The following FLYWCH1 variants were observed in gnomAD, a reference collection of about 807,000 sequenced individuals.
FLYWCH1 encodes the protein FLYWCH-type zinc finger-containing protein 1.
In FLYWCH1, 75 loss-of-function variants were observed where a neutral mutation model predicts 66.4. That is an observed-to-expected ratio of 1.13 (90% CI 0.94 to 1.37). The LOEUF (loss-of-function observed/expected upper bound fraction) is 1.37, where lower values mean the gene tolerates loss of function less well. Among genes scored for constraint, FLYWCH1 ranks in the 40% most tolerant of loss-of-function variants. The pLI is 0.00. For synonymous variants in FLYWCH1, 595 were observed against 429.9 expected (o/e 1.38, Z -4.75); for missense variants, 1,334 against 1,001.8 (o/e 1.33, Z -4.48).
chr16:2,938,432 A>C lies in FLYWCH1; in HGVS notation c.2026A>C (p.Thr676Pro), dbSNP rs774841001. The C allele has an allele frequency of 6.5e-7, 1 of 1,527,928 alleles. No homozygotes were observed. Among genetic ancestry groups the C allele is most frequent in the South Asian group, 1.3e-5 (1 of 77,370 alleles). The allele number at this position is 1,527,928 out of a possible 1,614,324, so 94.6% of individuals were successfully genotyped here. A position where few individuals can be genotyped will look rare whatever the true frequency, so the allele number is the denominator to read the frequency against. Residue 676 changes from threonine to proline, a missense_variant, in exon 8 of 10, where the codon ACC becomes CCC. Coordinates refer to ENST00000253928, the MANE Select transcript of FLYWCH1 (RefSeq NM_001308068.2). Reference sequence around the variant, plus strand: ...CTTGAGGCAACGGGAGCGGCTCCCCACCACGGCCCAGCAGGAGGACCCAGG... The same window carrying C: ...CTTGAGGCAACGGGAGCGGCTCCCCCCCACGGCCCAGCAGGAGGACCCAGG... ...EALRQRERLP[T>P]TAQQEDPEKI...
chr16:2,944,215 C>T (rs1026380968), intron 9 of FLYWCH1, among the ~76,000 whole-genome samples: 4 of 151,346 alleles, frequency 2.6e-5, no homozygotes, highest in Non-Finnish European at 4.4e-5. Context: ...GGAGAAACTC[C>T]GTCTCTACTA....
At chr16:2,937,656 A>G (rs901161073) in intron 7 of FLYWCH1, among the ~76,000 whole-genome samples, 1 of 152,126 alleles carries the variant, frequency 6.6e-6, no homozygotes, top group African/African-American at 2.4e-5. Context: ...TGGCAGCCAC[A>G]GAGAGTGCTT....
rs2071622740 is a variant in FLYWCH1, at chr16:2,949,767, T to C, written c.*1040T>C. The C allele has an allele frequency of 6.6e-6, 1 of 151,848 alleles. No individual in the cohort carries two copies. The highest frequency in any genetic ancestry group is 1.5e-5 in the Non-Finnish European group (1 of 67,984). The allele number at this position is 151,848 out of a possible 1,614,324, so 9.4% of individuals were successfully genotyped here. On this transcript the variant is annotated 3_prime_UTR_variant, in exon 10 of 10. Coordinates refer to ENST00000253928, the MANE Select transcript of FLYWCH1 (RefSeq NM_001308068.2). ...GTGACAGCCTGGGCACCCCTGCTTC[T>C]CCTCTGCTTGTACGGTTCCCCCAAT... is the stretch of plus-strand genomic sequence containing the variant.
At chr16:2,941,306 C>T (rs1349193742) in intron 9 of FLYWCH1, among the ~76,000 whole-genome samples, 1 of 151,514 alleles carries the variant, frequency 6.6e-6, no homozygotes, top group Admixed American at 6.6e-5. Flanking sequence ...ACAAACAAAA[C>T]AATGAGCCAA....
At chr16:2,930,100 C>CT in intron 3 of FLYWCH1, 90 bp downstream of exon 3, 1 of 1,149,590 alleles carries the variant, frequency 8.7e-7, no homozygotes, top group South Asian at 1.5e-5. Flanking sequence ...AGCATAGTGT[C>CT]TTGTCCTTGC....
chr16:2,945,872 C>T (rs1033718899), intron 9 of FLYWCH1, among the ~76,000 whole-genome samples: 2 of 151,854 alleles, frequency 1.3e-5, no homozygotes, highest in African/African-American at 4.8e-5. Context: ...TGGCAGGTGC[C>T]TGTAGTCCCA....
Position 2,933,566 on chromosome 16 carries a change from C to A in FLYWCH1, c.1233C>A (p.Asp411Glu), listed in dbSNP as rs781366415. The A allele has an allele frequency of 1.3e-6, 2 of 1,596,694 alleles. No individual in the cohort carries two copies. The highest frequency in any genetic ancestry group is 3.4e-5 in the Admixed American group (2 of 58,086). ...CCGAGGCCCCAGACGAGCACCAGGA[C>A]ATGGACGCAGACCCGGGTGAGCTGC... Reference protein sequence around the residue: ...TQPEAPDEHQDMDADPGGPEF... With the variant: ...TQPEAPDEHQEMDADPGGPEF... The change falls in exon 5 of 10, where the codon GAC (aspartate) becomes GAA (glutamate). Residue 411 changes from aspartate (D) to glutamate (E), a missense_variant. Asp to Glu is a conservative substitution (Grantham distance 45). Transcript: ENST00000253928.
At chr16:2,948,627 G>T in intron 9 of FLYWCH1, 61 bp from the exon 10 acceptor site, 1 of 1,544,508 alleles carries the variant, frequency 6.5e-7, no homozygotes, top group Non-Finnish European at 8.9e-7. Flanking sequence ...TGAACTTTCT[G>T]TGTTATCTAT....
intron 6 of FLYWCH1, 120 bp from the exon 7 acceptor site, chr16:2,937,001 C>T (rs2074357): frequency 0.52 from 629,799 of 1,215,432 alleles, 163,835 homozygotes; most frequent in African/African-American, 0.73. Flanking sequence ...TCCTGGGCTC[C>T]GGGGCCACCT....
chr16:2,949,064 G>C lies in FLYWCH1; in HGVS notation c.*337G>C, dbSNP rs754452987. 19 of 380,296 alleles carry C rather than the reference G, an allele frequency of 5.0e-5. No individual in the cohort carries two copies. The highest frequency in any genetic ancestry group is 4.4e-4 in the Admixed American group (11 of 24,934). 23.6% of individuals were successfully genotyped at this position (380,296 alleles called of 1,614,324 possible). ...CAGCACCCCTGGGTTTGCAGAGCAC[G>C]CAGCCTTCCTAGGGCTTTCCACCTG... On this transcript the variant is annotated 3_prime_UTR_variant, in exon 10 of 10. Transcript: ENST00000253928.
chr16:2,927,928 ACTAT>A (rs2070630448), intron 2 of FLYWCH1, among the ~76,000 whole-genome samples: 1 of 152,220 alleles, frequency 6.6e-6, no homozygotes, highest in Non-Finnish European at 1.5e-5. Context: ...GACTATTTTT[ACTAT>A]CTTGGCAAGG....
At chr16:2,946,087 G>A (rs1279908797) in intron 9 of FLYWCH1, among the ~76,000 whole-genome samples, 1 of 152,056 alleles carries the variant, frequency 6.6e-6, no homozygotes, top group African/African-American at 2.4e-5. Context: ...TAAACTGAGT[G>A]TAATTAAAAA....
chr16:2,933,354 C>T lies in FLYWCH1; in HGVS notation c.1021C>T (p.Arg341Trp), dbSNP rs750569976. 62 of 1,604,338 alleles carry T rather than the reference C, an allele frequency of 3.9e-5. No homozygotes were observed. Among genetic ancestry groups the T allele is most frequent in the Non-Finnish European group, 4.2e-5 (49 of 1,176,082 alleles). ...GCCCGATATGGAGGGCCTGGAAGCCCGGCGGCAGCAGGAGAAGGCCGTGGA... is the reference window on the plus strand; with the variant it reads ...GCCCGATATGGAGGGCCTGGAAGCCTGGCGGCAGCAGGAGAAGGCCGTGGA... ...HQPDMEGLEA[R>W]RQQEKAVETL... is the part of the protein sequence containing the mutation. The change falls in exon 5 of 10, where the codon CGG becomes TGG. Residue 341 changes from arginine (R) to tryptophan (W), a missense_variant. Arg to Trp is a moderately radical substitution (Grantham distance 101). Transcript: ENST00000253928.
intron 2 of FLYWCH1, among the ~76,000 whole-genome samples, chr16:2,920,520 A>G (rs879316426): frequency 7.9e-5 from 12 of 151,980 alleles, no homozygotes; most frequent in Non-Finnish European, 1.6e-4. Context: ...TTAAAAAAAA[A>G]AAAAAACACT....
chr16:2,934,458 CCGGCTGTCTCCA>C (rs2070912424), intron 6 of FLYWCH1, among the ~76,000 whole-genome samples: 1 of 152,186 alleles, frequency 6.6e-6, no homozygotes, highest in African/African-American at 2.4e-5. Flanking sequence ...GAGGAGGGTC[CCGGCTGTCTCCA>C]TCTTTATCCA....
intron 2 of FLYWCH1, 138 bp from the exon 3 acceptor site, chr16:2,929,475 T>C: frequency 3.2e-6 from 2 of 632,782 alleles, no homozygotes; most frequent in East Asian, 5.5e-5. Flanking sequence ...AGCAGAAGCC[T>C]AGTTCCATCA....
chr16:2,930,901 T>G (rs1415669908), intron 4 of FLYWCH1, 21 bp downstream of exon 4: 1 of 1,554,142 alleles, frequency 6.4e-7, no homozygotes, highest in African/African-American at 1.4e-5. Flanking sequence ...TCCACTCCCC[T>G]GCTGCGTCCA....
intron 9 of FLYWCH1, 115 bp from the exon 10 acceptor site, chr16:2,948,573 G>A (rs2071580189): frequency 9.2e-7 from 1 of 1,092,792 alleles, no homozygotes; most frequent in Non-Finnish European, 1.4e-6. Flanking sequence ...AAAAATAAAT[G>A]TTCTAGACTG....
At chr16:2,927,041 CTGGCTGCCAGCCGAGCTTCAGTAT>C (rs1240326922) in intron 2 of FLYWCH1, among the ~76,000 whole-genome samples, 3 of 152,242 alleles carry the variant, frequency 2.0e-5, no homozygotes, top group African/African-American at 7.2e-5. Flanking sequence ...CTTATCAATA[CTGGCTGCCAGCCGAGCTTCAGTAT>C]TGGCTGCCTC....
Sources: allele counts gnomAD v4.1 joint callset (sites outside exome capture counted in the v4.1 genomes callset), GRCh38; gene constraint gnomAD v4.1.1; transcripts MANE v1.5; gene names NCBI Gene and HGNC (gene_info 2026-07-23, HGNC 2026-07-21).